IPCEF1: variants seen among roughly 807,000 people sequenced by gnomAD.
IPCEF1 encodes the protein interaction protein for cytohesin exchange factors 1, also known as interactor protein for cytohesin exchange factors 1.
A neutral mutation model predicts 50.9 loss-of-function variants in IPCEF1; 31 were observed. That is an observed-to-expected ratio of 0.61 (90% CI 0.46 to 0.82). The LOEUF (loss-of-function observed/expected upper bound fraction) is 0.82, where lower values mean the gene tolerates loss of function less well. Ranked by LOEUF, IPCEF1 falls within the 40% of genes least tolerant of loss-of-function variation. The pLI is 0.00. For missense variants in IPCEF1, 458 were observed against 514.0 expected, an observed-to-expected ratio of 0.89 and a Z score of 1.05; for synonymous variants, 181 against 192.0, an observed-to-expected ratio of 0.94 and a Z score of 0.47.
intron 2 of IPCEF1, among the ~76,000 whole-genome samples, chr6:154,273,720 CTTTCTTTTTTT>C (rs1781961151): frequency 3.9e-5 from 1 of 25,458 alleles, no homozygotes; most frequent in Non-Finnish European, 8.6e-5. Context: ...TTCTTTCTTT[CTTTCTTTTTTT>C]TTTTTTTTTT....
chr6:154,311,942 T>C (rs370120663), intron 1 of IPCEF1, among the ~76,000 whole-genome samples: 1 of 152,206 alleles, frequency 6.6e-6, no homozygotes, highest in African/African-American at 2.4e-5. Context: ...AATCTCTTTA[T>C]CTTTTGGATA....
chr6:154,315,265 T>A (rs911323748), intron 1 of IPCEF1, among the ~76,000 whole-genome samples: 15 of 152,310 alleles, frequency 9.8e-5, no homozygotes, highest in African/African-American at 3.4e-4. Flanking sequence ...ATATTTTTGC[T>A]CACTCATGTA....
intron 1 of IPCEF1, among the ~76,000 whole-genome samples, chr6:154,297,560 G>A (rs1477466418): frequency 6.6e-6 from 1 of 152,148 alleles, no homozygotes; most frequent in African/African-American, 2.4e-5. Context: ...AAACTATGTT[G>A]CTTTGACATT....
At chr6:154,351,466 A>G (rs1784118066) in intron 1 of IPCEF1, among the ~76,000 whole-genome samples, 1 of 152,224 alleles carries the variant, frequency 6.6e-6, no homozygotes, top group South Asian at 2.1e-4. Flanking sequence ...GTTTCCTGGA[A>G]AAAAGAACAA....
intron 10 of IPCEF1, among the ~76,000 whole-genome samples, chr6:154,171,153 A>T (rs1234032148): frequency 6.6e-6 from 1 of 152,198 alleles, no homozygotes; most frequent in Non-Finnish European, 1.5e-5. Flanking sequence ...ATTCACACAA[A>T]AATTGTACAT....
intron 10 of IPCEF1, among the ~76,000 whole-genome samples, chr6:154,195,600 T>A (rs1004367608): frequency 6.6e-6 from 1 of 152,170 alleles, no homozygotes; most frequent in Non-Finnish European, 1.5e-5. Flanking sequence ...CTTCTCCATG[T>A]ACATATCTTG....
chr6:154,354,446 C>CAA (rs1784174721), intron 1 of IPCEF1, among the ~76,000 whole-genome samples: 11 of 151,802 alleles, frequency 7.2e-5, no homozygotes, highest in South Asian at 2.1e-4. Flanking sequence ...ATCTCCTCCA[C>CAA]CACCACCTCC....
chr6:154,189,520 G>A (rs776724382), intron 10 of IPCEF1, among the ~76,000 whole-genome samples: 4 of 151,256 alleles, frequency 2.6e-5, no homozygotes, highest in Non-Finnish European at 4.4e-5. Context: ...TAAATAGAGA[G>A]ACTATAGCAA....
chr6:154,241,996 T>A lies in IPCEF1; in HGVS notation c.246+4595A>T, dbSNP rs546356712. On this transcript the variant is annotated intron_variant, in intron 5 of 11. Transcript: ENST00000367220. Reference sequence around the variant, plus strand: ...AATCCCAGTTCTGCTATTTACTCCTTATGAGACTTTGAGCAAGTTACTTAA... The same window carrying A: ...AATCCCAGTTCTGCTATTTACTCCTAATGAGACTTTGAGCAAGTTACTTAA... Among the ~76,000 whole-genome samples the A allele has an allele frequency of 6.6e-5, 10 of 152,326 alleles. No homozygotes were observed. The East Asian group carries it at 1.7e-3, about 26-fold the overall frequency.
At chr6:154,231,760 T>G (rs1779740655) in intron 5 of IPCEF1, among the ~76,000 whole-genome samples, 1 of 152,128 alleles carries the variant, frequency 6.6e-6, no homozygotes, top group South Asian at 2.1e-4. Flanking sequence ...AGAACAGAGA[T>G]GCGAAGGAGA....
chr6:154,254,787 A>AT (rs1008418354), intron 3 of IPCEF1, among the ~76,000 whole-genome samples: 43 of 151,700 alleles, frequency 2.8e-4, no homozygotes, highest in African/African-American at 8.7e-4. Context: ...CTACATTTTG[A>AT]TTTTTTTTAA....
chr6:154,304,481 G>A (rs1443801023), intron 1 of IPCEF1, among the ~76,000 whole-genome samples: 1 of 143,682 alleles, frequency 7.0e-6, no homozygotes, highest in Non-Finnish European at 1.6e-5. Flanking sequence ...ATTCATCTGT[G>A]TTCCCAACTC....
intron 2 of IPCEF1, among the ~76,000 whole-genome samples, chr6:154,267,630 ACAGCT>A (rs1261954550): frequency 6.6e-6 from 1 of 152,212 alleles, no homozygotes; most frequent in Non-Finnish European, 1.5e-5. Flanking sequence ...GAGTGTTAGA[ACAGCT>A]CAGAGAAGAC....
chr6:154,339,605 T>C (rs12529991), intron 1 of IPCEF1, among the ~76,000 whole-genome samples: 15,189 of 151,396 alleles, frequency 0.1, 980 homozygotes, highest in South Asian at 0.31. Context: ...GTTTGTTTGT[T>C]TTTTGAGAGG....
intron 1 of IPCEF1, among the ~76,000 whole-genome samples, chr6:154,327,568 C>A (rs908950894): frequency 6.6e-6 from 1 of 151,990 alleles, no homozygotes; most frequent in South Asian, 2.1e-4. Context: ...GGCAAAAAAA[C>A]AACACATATT....
intron 1 of IPCEF1, among the ~76,000 whole-genome samples, chr6:154,354,433 A>C (rs1784173895): frequency 2.0e-5 from 3 of 146,954 alleles, no homozygotes; most frequent in South Asian, 4.5e-4. Context: ...CACCACCTCC[A>C]CCATCTCCTC....
Position 154,159,560 on chromosome 6 carries a change from C to T in IPCEF1, c.*268G>A, listed in dbSNP as rs1174423254. ...ACATTTCTCACATCCCCCCTAGAGC[C>T]CCACATCACCGTGAGCTCCCAGTAG... On this transcript the variant is annotated 3_prime_UTR_variant, in exon 12 of 12. Transcript: ENST00000367220. 1 of 466,376 alleles carries T rather than the reference C, an allele frequency of 2.1e-6. No homozygotes were observed. The highest frequency in any genetic ancestry group is 2.0e-5 in the African/African-American group (1 of 49,094). 28.9% of individuals were successfully genotyped at this position (466,376 alleles called of 1,614,324 possible). A position where few individuals can be genotyped will look rare whatever the true frequency, so the allele number is the denominator to read the frequency against.
intron 5 of IPCEF1, among the ~76,000 whole-genome samples, chr6:154,240,685 A>G (rs1780507859): frequency 6.6e-6 from 1 of 152,250 alleles, no homozygotes; most frequent in South Asian, 2.1e-4. Context: ...ACTGATTTCA[A>G]GAAATATGCC....
intron 5 of IPCEF1, among the ~76,000 whole-genome samples, chr6:154,243,489 C>T (rs760877891): frequency 6.6e-6 from 1 of 152,160 alleles, no homozygotes; most frequent in Non-Finnish European, 1.5e-5. Flanking sequence ...CATTGGGTAA[C>T]TGGGTAGCAA....
Sources: allele counts gnomAD v4.1 joint callset (sites outside exome capture counted in the v4.1 genomes callset), GRCh38; gene constraint gnomAD v4.1.1; transcripts MANE v1.5; gene names NCBI Gene and HGNC (gene_info 2026-07-23, HGNC 2026-07-21).